ENOX1: variants seen among roughly 807,000 people sequenced by gnomAD.
ENOX1 encodes candidate growth-related and time keeping constitutive hydroquinone (NADH) oxidase.
In ENOX1, 42 loss-of-function variants were observed where a neutral mutation model predicts 82.5. The observed-to-expected ratio is 0.51, with a 90% CI of 0.40 to 0.66. The LOEUF is 0.66. Ranked by LOEUF, ENOX1 falls within the 30% of genes least tolerant of loss-of-function variation. ENOX1 has a pLI of 0.00. For missense variants in ENOX1, 608 were observed against 811.6 expected (o/e 0.75, Z 3.05); for synonymous variants, 271 against 282.2 (o/e 0.96, Z 0.40).
At chr13:43,251,937 A>ATG (rs2043480733) in intron 14 of ENOX1, among the ~76,000 whole-genome samples, 1 of 152,138 alleles carries the variant, frequency 6.6e-6, no homozygotes. Context: ...TTATGCATAT[A>ATG]TGTGTGTGTG....
At chr13:43,322,528 A>T in intron 10 of ENOX1, 27 bp from the exon 11 acceptor site, 1 of 1,586,754 alleles carries the variant, frequency 6.3e-7, no homozygotes, top group Non-Finnish European at 8.6e-7. Context: ...CACAAATGTC[A>T]GAGTCACAGA....
intron 1 of ENOX1, among the ~76,000 whole-genome samples, chr13:43,713,452 T>C (rs299339): frequency 1 from 151,493 of 152,092 alleles, 75,451 homozygotes; most frequent in East Asian, 1. Context: ...AGGATTCCCT[T>C]TTTTTCTATT....
At chr13:43,620,866 T>C (rs946320735) in intron 2 of ENOX1, among the ~76,000 whole-genome samples, 7 of 152,178 alleles carry the variant, frequency 4.6e-5, no homozygotes, top group African/African-American at 1.7e-4. Flanking sequence ...ACACTATTAT[T>C]GTGTTGTTGT....
At chr13:43,536,566 T>C (rs1011291019) in intron 2 of ENOX1, among the ~76,000 whole-genome samples, 8 of 151,558 alleles carry the variant, frequency 5.3e-5, no homozygotes, top group Admixed American at 3.9e-4. Context: ...AAAAAAAAAC[T>C]CCATGGTTTC....
intron 13 of ENOX1, among the ~76,000 whole-genome samples, chr13:43,267,910 C>G (rs2044472833): frequency 6.6e-6 from 1 of 152,142 alleles, no homozygotes; most frequent in Non-Finnish European, 1.5e-5. Flanking sequence ...TTTTCTAGGT[C>G]TTTAATGATT....
At chr13:43,493,820 A>T (rs1181823214) in intron 2 of ENOX1, among the ~76,000 whole-genome samples, 1 of 152,184 alleles carries the variant, frequency 6.6e-6, no homozygotes, top group Non-Finnish European at 1.5e-5. Flanking sequence ...CCTTTGTTTT[A>T]GTCTATTCTC....
chr13:43,599,114 G>A (rs2081593659), intron 2 of ENOX1, among the ~76,000 whole-genome samples: 1 of 152,026 alleles, frequency 6.6e-6, no homozygotes, highest in East Asian at 1.9e-4. Flanking sequence ...GAGAAAAGAG[G>A]GAAGAGGTTT....
Position 43,569,590 on chromosome 13 carries a change from A to G in ENOX1, c.-218-85438T>C, listed in dbSNP as rs139083394. On this transcript the variant is annotated intron_variant, in intron 2 of 16. Transcript: ENST00000690772. ...GGTCCCCTGGCATTACTGCATGAAG[A>G]GGCAGATTGAGACGACAACTCATCC... 4.5e-4 allele frequency among the ~76,000 whole-genome samples: 68 copies of G among 152,172 alleles called. No individual in the cohort carries two copies. In the East Asian group the frequency reaches 8.7e-3, roughly 20 times the overall value.
chr13:43,480,736 T>G lies in ENOX1; in HGVS notation c.-75+3273A>C, dbSNP rs1013890898. Among the ~76,000 whole-genome samples, 12 of 152,180 alleles carry G rather than the reference T, an allele frequency of 7.9e-5. No homozygotes were observed. The East Asian group carries it at 2.3e-3, about 29-fold the overall frequency. On this transcript the variant is annotated intron_variant, in intron 3 of 16. Transcript: ENST00000690772. ...CAAGGAACAATGATATGCCAACCAG[T>G]TAGATAACCTAGATGAAACAGATAC...
chr13:43,753,787 A>T (rs926179966), intron 1 of ENOX1, among the ~76,000 whole-genome samples: 14 of 152,310 alleles, frequency 9.2e-5, no homozygotes, highest in Admixed American at 5.9e-4. Flanking sequence ...AGTTTCTGAA[A>T]TGTGAAACAG....
intron 7 of ENOX1, among the ~76,000 whole-genome samples, chr13:43,359,372 G>A (rs995883986): frequency 6.6e-6 from 1 of 152,190 alleles, no homozygotes; most frequent in Non-Finnish European, 1.5e-5. Flanking sequence ...AGAGGACAAG[G>A]CTTAATGAAC....
intron 12 of ENOX1, 60 bp from the exon 13 acceptor site, chr13:43,269,637 T>G (rs2044574922): frequency 7.0e-6 from 9 of 1,288,220 alleles, no homozygotes; most frequent in Non-Finnish European, 1.0e-5. Context: ...TTTAAAAATA[T>G]CCACAATACC....
At chr13:43,653,940 C>T (rs1218707404) in intron 2 of ENOX1, among the ~76,000 whole-genome samples, 1 of 152,116 alleles carries the variant, frequency 6.6e-6, no homozygotes, top group Non-Finnish European at 1.5e-5. Context: ...ATAAAGATTA[C>T]AACACTGGGG....
At position 43,767,753 on chromosome 13, in the gene ENOX1, C is replaced by T. The variant is rs1417026917; in HGVS notation, c.-285+18899G>A. ...CTTGCCAAAGCCCTCTACTCTCCCCCATGGCTCTTAATCAGTTGTCCACTG... is the reference window on the plus strand; with the variant it reads ...CTTGCCAAAGCCCTCTACTCTCCCCTATGGCTCTTAATCAGTTGTCCACTG... On this transcript the variant is annotated intron_variant, in intron 1 of 16. Coordinates refer to ENST00000690772, the MANE Select transcript of ENOX1 (RefSeq NM_001347969.2). Among the ~76,000 whole-genome samples the T allele has an allele frequency of 2.0e-5, 3 of 152,348 alleles. No individual in the cohort carries two copies. In the East Asian group the frequency reaches 5.8e-4, roughly 29 times the overall value.
intron 1 of ENOX1, among the ~76,000 whole-genome samples, chr13:43,719,367 G>A (rs1594556648): frequency 7.1e-6 from 1 of 141,328 alleles, no homozygotes; most frequent in East Asian, 2.1e-4. Context: ...GCACATTCAA[G>A]GTTAGGTGTG....
chr13:43,644,521 A>G (rs2083807201), intron 2 of ENOX1, among the ~76,000 whole-genome samples: 2 of 152,216 alleles, frequency 1.3e-5, no homozygotes. Context: ...GCTTTAGCGA[A>G]GGAATTTAAC....
At position 43,781,297 on chromosome 13, in the gene ENOX1, A is replaced by G. The variant is rs145065544; in HGVS notation, c.-285+5355T>C. Among the ~76,000 whole-genome samples the G allele has an allele frequency of 4.1e-3, 629 of 152,254 alleles. 9 individuals carry two copies. Among genetic ancestry groups the G allele is most frequent in the African/African-American group, 0.014 (594 of 41,534 alleles). On this transcript the variant is annotated intron_variant, in intron 1 of 16. Transcript: ENST00000690772. ...ATGATGCATTAATTCCACAAAATAT[A>G]TACTTAGTGTCTGCCATATGCCAGG...
chr13:43,304,298 A>C (rs2209326), intron 11 of ENOX1, among the ~76,000 whole-genome samples: 145,118 of 152,278 alleles, frequency 0.95, 69,573 homozygotes, highest in East Asian at 1. Flanking sequence ...TCCTTTCACC[A>C]TCATGAAAAC....
chr13:43,738,454 T>C, intron 1 of ENOX1, among the ~76,000 whole-genome samples: 1 of 152,360 alleles, frequency 6.6e-6, no homozygotes, highest in African/African-American at 2.4e-5. Flanking sequence ...TTACCCATTT[T>C]AAAAATTAGT....
Sources: gnomAD v4.1 joint callset for allele counts (sites outside exome capture counted in the v4.1 genomes callset) on GRCh38, gnomAD v4.1.1 for gene constraint, MANE v1.5 for transcripts, NCBI Gene and HGNC (gene_info 2026-07-23, HGNC 2026-07-21) for gene names.